The following PRR5 variants were observed in gnomAD, a reference collection of about 807,000 sequenced individuals.
PRR5 encodes proline-rich protein 5.
A neutral mutation model predicts 30.6 loss-of-function variants in PRR5; 25 were observed. The ratio of observed to expected loss-of-function variants is 0.82; its 90% CI spans 0.60 to 1.14. The LOEUF is 1.14. PRR5 is among the 50% of genes most tolerant of loss of function. PRR5 has a pLI of 0.00. For synonymous variants in PRR5, 286 were observed against 247.1 expected, an observed-to-expected ratio of 1.16 and a Z score of -1.48; for missense variants, 600 against 547.1, an observed-to-expected ratio of 1.10 and a Z score of -0.96.
chr22:44,723,755 T>A (rs1257497189), intron 2 of PRR5, among the ~76,000 whole-genome samples: 3 of 152,166 alleles, frequency 2.0e-5, no homozygotes, highest in Admixed American at 6.5e-5. Flanking sequence ...AGTGGGAACA[T>A]AGTACTTTGA....
intron 2 of PRR5, among the ~76,000 whole-genome samples, chr22:44,724,793 C>G (rs1363485083): frequency 1.3e-5 from 2 of 152,192 alleles, no homozygotes; most frequent in African/African-American, 4.8e-5. Context: ...TTGGTGAAGA[C>G]TGAATGAGCT....
At chr22:44,732,987 C>T (rs1468838248) in intron 6 of PRR5, among the ~76,000 whole-genome samples, 1 of 148,702 alleles carries the variant, frequency 6.7e-6, no homozygotes, top group Non-Finnish European at 1.5e-5. Flanking sequence ...TACACACATA[C>T]ATGTGCGCGC....
chr22:44,727,384 C>T (rs1388716560), intron 4 of PRR5, among the ~76,000 whole-genome samples: 4 of 152,140 alleles, frequency 2.6e-5, no homozygotes, highest in Admixed American at 6.5e-5. Flanking sequence ...CTGCTTTGCT[C>T]GGGCTGTGCT....
chr22:44,715,844 A>C (rs1026601673), intron 2 of PRR5, among the ~76,000 whole-genome samples: 1 of 152,002 alleles, frequency 6.6e-6, no homozygotes, highest in African/African-American at 2.4e-5. Context: ...CAGAGATGGG[A>C]GTCTCACTAC....
chr22:44,730,271 A>G (rs1921704105), intron 4 of PRR5: 1 of 984,970 alleles, frequency 1.0e-6, no homozygotes, highest in Non-Finnish European at 1.2e-6. Flanking sequence ...AGCCTGAGAG[A>G]CAGCCGGCAA....
At chr22:44,708,654 A>G (rs1338618855) in intron 1 of PRR5, among the ~76,000 whole-genome samples, 1 of 152,122 alleles carries the variant, frequency 6.6e-6, no homozygotes, top group Non-Finnish European at 1.5e-5. Flanking sequence ...CATTTTGCAG[A>G]TGAGCAAACA....
chr22:44,735,597 C>T (rs1923077018), intron 7 of PRR5, among the ~76,000 whole-genome samples: 1 of 152,222 alleles, frequency 6.6e-6, no homozygotes, highest in South Asian at 2.1e-4. Context: ...GCGTCCAGCA[C>T]AGCTGGCCAC....
At chr22:44,703,698 A>G (rs983562841) in intron 1 of PRR5, among the ~76,000 whole-genome samples, 3 of 152,074 alleles carry the variant, frequency 2.0e-5, no homozygotes, top group Non-Finnish European at 4.4e-5. Flanking sequence ...AATCTCCCTG[A>G]CCCAACGACT....
rs570891920 is a variant in PRR5, at chr22:44,711,102, G to C, written c.135-3489G>C. 1.9e-4 allele frequency among the ~76,000 whole-genome samples: 29 copies of C among 152,300 alleles called. No homozygotes were observed. In the East Asian group the frequency reaches 5.6e-3, roughly 29 times the overall value. ...GAGAACACCCAGGGCGAGGAGCCCAGGAGAGGCTCAGGCCTCCACGGAGGG... is the reference window on the plus strand; with the variant it reads ...GAGAACACCCAGGGCGAGGAGCCCACGAGAGGCTCAGGCCTCCACGGAGGG... On this transcript the variant is annotated intron_variant, in intron 1 of 7. Transcript: ENST00000336985.
chr22:44,681,356 G>A (rs748792893), intron 1 of PRR5, among the ~76,000 whole-genome samples: 9 of 152,142 alleles, frequency 5.9e-5, no homozygotes, highest in Admixed American at 1.3e-4. Context: ...TTGGGAGGCC[G>A]AGGCGGGCAG....
upstream of PRR5, among the ~76,000 whole-genome samples, chr22:44,673,231 C>T (rs1031789017): frequency 8.5e-5 from 13 of 152,332 alleles, no homozygotes; most frequent in South Asian, 2.1e-3. Context: ...AGTTCTGGCC[C>T]TGGTTCCACT....
At chr22:44,703,644 G>A (rs780983533) in intron 1 of PRR5, among the ~76,000 whole-genome samples, 1 of 152,164 alleles carries the variant, frequency 6.6e-6, no homozygotes, top group African/African-American at 2.4e-5. Flanking sequence ...CTCCCTGTGG[G>A]GAGGGCTGGT....
chr22:44,670,591 CTG>C (rs1169207465), intron 1 of PRR5, among the ~76,000 whole-genome samples: 4 of 152,272 alleles, frequency 2.6e-5, no homozygotes, highest in African/African-American at 9.6e-5. Context: ...GCTGGCACTT[CTG>C]TGTCTTGGCT....
intron 1 of PRR5, among the ~76,000 whole-genome samples, chr22:44,685,533 A>G: frequency 6.8e-6 from 1 of 147,342 alleles, no homozygotes; most frequent in Non-Finnish European, 1.5e-5. Flanking sequence ...CAGAGAAGCC[A>G]GTGAAAGCCA....
intron 1 of PRR5, chr22:44,680,005 G>A: frequency 3.4e-6 from 3 of 876,842 alleles, no homozygotes; most frequent in South Asian, 3.4e-5. Context: ...GGGGAATGAG[G>A]GCTGGACCTC....
chr22:44,736,106 C>T (rs1569115941), intron 7 of PRR5, among the ~76,000 whole-genome samples: 2 of 152,326 alleles, frequency 1.3e-5, no homozygotes, highest in East Asian at 1.9e-4. Context: ...CCACCTGTGC[C>T]ACTGCCTCCC....
intron 1 of PRR5, among the ~76,000 whole-genome samples, chr22:44,713,726 C>T (rs1471676421): frequency 6.6e-6 from 1 of 152,182 alleles, no homozygotes; most frequent in Non-Finnish European, 1.5e-5. Context: ...GACTGGTGAC[C>T]CAGGAAGCCT....
At chr22:44,684,098 T>G (rs929760035) in intron 1 of PRR5, among the ~76,000 whole-genome samples, 10 of 151,490 alleles carry the variant, frequency 6.6e-5, no homozygotes, top group African/African-American at 2.2e-4. Flanking sequence ...GCCAGAGGGG[T>G]GGGCTGAGGA....
At chr22:44,707,372 C>T (rs550101121) in intron 1 of PRR5, among the ~76,000 whole-genome samples, 74 of 152,186 alleles carry the variant, frequency 4.9e-4, no homozygotes, top group Admixed American at 1.8e-3. Context: ...AGGGCCTGCA[C>T]GCCAGCCTCA....
Sources: allele counts gnomAD v4.1 joint callset (sites outside exome capture counted in the v4.1 genomes callset), GRCh38; gene constraint gnomAD v4.1.1; transcripts MANE v1.5; gene names NCBI Gene and HGNC (gene_info 2026-07-23, HGNC 2026-07-21).